The following STPG2 variants were observed in gnomAD, a reference collection of about 807,000 sequenced individuals.
The protein encoded by STPG2 is sperm tail PG-rich repeat containing 2, also known as sperm-tail PG-rich repeat-containing protein 2.
A neutral mutation model predicts 54.2 loss-of-function variants in STPG2; 56 were observed. The ratio of observed to expected loss-of-function variants is 1.03; its 90% CI spans 0.83 to 1.29. The LOEUF is 1.29. Ranked by LOEUF, STPG2 falls within the 50% of genes most tolerant of loss-of-function variation. STPG2 has a pLI of 0.00. For missense variants in STPG2, 596 were observed against 544.9 expected (o/e 1.09, Z -0.93); for synonymous variants, 200 against 181.8 (o/e 1.10, Z -0.81).
At chr4:97,463,315 C>A (rs184485560) in intron 4 of STPG2, among the ~76,000 whole-genome samples, 2 of 152,000 alleles carry the variant, frequency 1.3e-5, no homozygotes, top group African/African-American at 4.8e-5. Context: ...ATATAAATTT[C>A]GGACGCTTTA....
chr4:97,459,075 T>A (rs1472887381), intron 4 of STPG2, among the ~76,000 whole-genome samples: 1 of 152,128 alleles, frequency 6.6e-6, no homozygotes, highest in Non-Finnish European at 1.5e-5. Context: ...AAGGTAAAAA[T>A]TATTATATCT....
At chr4:97,716,475 A>G (rs1192105396) in intron 9 of STPG2, among the ~76,000 whole-genome samples, 2 of 152,248 alleles carry the variant, frequency 1.3e-5, no homozygotes, top group African/African-American at 4.8e-5. Context: ...TAGACTAGAT[A>G]AAGAAAATGT....
At chr4:98,012,639 G>A (rs1186199173) in intron 5 of STPG2, among the ~76,000 whole-genome samples, 1 of 152,132 alleles carries the variant, frequency 6.6e-6, no homozygotes, top group East Asian at 1.9e-4. Context: ...GTGATGGTTT[G>A]TAGTTCTCAT....
intron 4 of STPG2, among the ~76,000 whole-genome samples, chr4:97,442,846 A>G (rs1729124518): frequency 1.3e-5 from 2 of 152,142 alleles, no homozygotes; most frequent in South Asian, 4.1e-4. Flanking sequence ...TATTTCCTTA[A>G]AAGGGTGTGT....
chr4:97,598,017 T>TAA (rs797000128), intron 10 of STPG2, among the ~76,000 whole-genome samples: 7 of 146,118 alleles, frequency 4.8e-5, no homozygotes, highest in African/African-American at 1.2e-4. Flanking sequence ...TGATCTGATT[T>TAA]AAAAAAAAAA....
At chr4:97,907,889 A>G (rs1731506404) in intron 8 of STPG2, among the ~76,000 whole-genome samples, 1 of 152,186 alleles carries the variant, frequency 6.6e-6, no homozygotes. Context: ...AAAGACTTAA[A>G]CGTTAGACCT....
At chr4:97,908,761 A>T (rs1731553290) in intron 8 of STPG2, among the ~76,000 whole-genome samples, 1 of 151,264 alleles carries the variant, frequency 6.6e-6, no homozygotes, top group Non-Finnish European at 1.5e-5. Context: ...AAACTATCGC[A>T]AGAACAAAAA....
chr4:98,056,636 AC>A (rs761754572), intron 5 of STPG2, among the ~76,000 whole-genome samples: 32 of 151,834 alleles, frequency 2.1e-4, no homozygotes, highest in African/African-American at 2.7e-4. Flanking sequence ...GAAAAAAAAA[AC>A]ACACACATCC....
chr4:98,002,231 A>T (rs1735434265), intron 5 of STPG2, among the ~76,000 whole-genome samples: 1 of 152,038 alleles, frequency 6.6e-6, no homozygotes, highest in African/African-American at 2.4e-5. Flanking sequence ...CTGTATAGGA[A>T]AAGGGCCCAA....
intron 10 of STPG2, among the ~76,000 whole-genome samples, chr4:97,656,721 T>C (rs947880299): frequency 4.6e-5 from 7 of 150,864 alleles, no homozygotes; most frequent in Admixed American, 6.7e-5. Context: ...CATCGAATAC[T>C]AGTATTGTGC....
intron 5 of STPG2, among the ~76,000 whole-genome samples, chr4:97,982,248 A>T (rs1734706388): frequency 6.6e-6 from 1 of 152,104 alleles, no homozygotes; most frequent in Non-Finnish European, 1.5e-5. Context: ...TAAAAATAAT[A>T]CAGAAAATAT....
At chr4:98,053,882 G>C (rs908525108) in intron 5 of STPG2, among the ~76,000 whole-genome samples, 4 of 151,986 alleles carry the variant, frequency 2.6e-5, no homozygotes, top group African/African-American at 9.7e-5. Flanking sequence ...TCATTTGTTG[G>C]ATGATATGCT....
At chr4:97,801,840 A>C (rs1281529278) in intron 9 of STPG2, among the ~76,000 whole-genome samples, 1 of 152,126 alleles carries the variant, frequency 6.6e-6, no homozygotes, top group Admixed American at 6.5e-5. Context: ...TATTCTCTGC[A>C]ATGCCATCAA....
intron 9 of STPG2, among the ~76,000 whole-genome samples, chr4:97,741,106 A>T (rs1462063932): frequency 6.6e-6 from 1 of 152,210 alleles, no homozygotes; most frequent in African/African-American, 2.4e-5. Context: ...AAAATATGCA[A>T]TAGGGAAAGG....
chr4:97,708,707 C>T (rs536299925), intron 10 of STPG2, among the ~76,000 whole-genome samples: 2 of 151,596 alleles, frequency 1.3e-5, no homozygotes, highest in East Asian at 1.9e-4. Context: ...AGAGAAAATA[C>T]TTTTTTCTAT....
At chr4:97,681,816 T>C (rs1310135600) in intron 10 of STPG2, among the ~76,000 whole-genome samples, 1 of 151,852 alleles carries the variant, frequency 6.6e-6, no homozygotes, top group Non-Finnish European at 1.5e-5. Context: ...TTGATGTCTG[T>C]CTTTTTCTTC....
intron 8 of STPG2, among the ~76,000 whole-genome samples, chr4:97,860,999 T>A (rs1315085530): frequency 6.6e-6 from 1 of 152,040 alleles, no homozygotes; most frequent in Non-Finnish European, 1.5e-5. Flanking sequence ...ACAAATAGGA[T>A]CACATCAAGT....
intron 8 of STPG2, among the ~76,000 whole-genome samples, chr4:97,907,945 G>T (rs1471500693): frequency 6.6e-6 from 1 of 152,190 alleles, no homozygotes; most frequent in Non-Finnish European, 1.5e-5. Flanking sequence ...GACCATTCAG[G>T]TCATAGGCTT....
At chr4:98,092,112 T>G (rs550770586) in intron 5 of STPG2, among the ~76,000 whole-genome samples, 54 of 152,236 alleles carry the variant, frequency 3.5e-4, no homozygotes, top group African/African-American at 1.2e-3. Context: ...CAAAAGATAC[T>G]GAATTATTGT....
Sources: gnomAD v4.1 joint callset for allele counts (sites outside exome capture counted in the v4.1 genomes callset) on GRCh38, gnomAD v4.1.1 for gene constraint, MANE v1.5 for transcripts, NCBI Gene and HGNC (gene_info 2026-07-23, HGNC 2026-07-21) for gene names.